The following SATL1 variants were observed in gnomAD, a reference collection of about 807,000 sequenced individuals.
The protein encoded by SATL1 is spermidine/spermine N1-acetyl transferase like 1.
In SATL1, 47 loss-of-function variants were observed where a neutral mutation model predicts 51.8. That is an observed-to-expected ratio of 0.91 (90% CI 0.72 to 1.16). The LOEUF is 1.16. Ranked by LOEUF, SATL1 falls within the 50% of genes most tolerant of loss-of-function variation. SATL1 has a pLI of 0.00. For missense variants in SATL1, 520 were observed against 526.4 expected, an observed-to-expected ratio of 0.99 and a Z score of 0.12; for synonymous variants, 176 against 182.4, an observed-to-expected ratio of 0.97 and a Z score of 0.28.
intron 2 of SATL1, among the ~76,000 whole-genome samples, chrX:85,113,753 T>G (rs1363868586): frequency 8.9e-6 from 1 of 112,239 alleles, no homozygotes; most frequent in Non-Finnish European, 1.9e-5. Flanking sequence ...CCTTTTAAAA[T>G]TGGCTTTGAT....
chrX:85,112,693 C>T (rs367570952), intron 2 of SATL1, among the ~76,000 whole-genome samples: 1 of 111,634 alleles, frequency 9.0e-6, no homozygotes, highest in African/African-American at 3.3e-5. Flanking sequence ...CCTTTTAATG[C>T]GCATGCTTGA....
At chrX:85,100,177 G>T (rs972003574) in intron 4 of SATL1, among the ~76,000 whole-genome samples, 1 of 110,502 alleles carries the variant, frequency 9.0e-6, no homozygotes, top group Non-Finnish European at 1.9e-5. Flanking sequence ...ATGCACAACA[G>T]AGCAAGACTC....
intron 2 of SATL1, among the ~76,000 whole-genome samples, chrX:85,165,771 A>G (rs942167656): frequency 1.8e-5 from 2 of 111,711 alleles, no homozygotes; most frequent in Admixed American, 9.5e-5. Context: ...CCATTGAAAA[A>G]ATAATTCTAA....
chrX:85,196,820 T>C (rs771339527), intron 2 of SATL1, among the ~76,000 whole-genome samples: 1 of 111,729 alleles, frequency 9.0e-6, no homozygotes, highest in African/African-American at 3.2e-5. Flanking sequence ...GGACATCTAC[T>C]TCACACAACA....
intron 1 of SATL1, among the ~76,000 whole-genome samples, chrX:85,239,066 T>G (rs1602933447): frequency 9.0e-6 from 1 of 110,556 alleles, no homozygotes; most frequent in East Asian, 2.8e-4. Flanking sequence ...CAACTAAATA[T>G]TTGTTGAAAG....
rs774201412 is a variant in SATL1 at position 85,177,789 on chromosome X, C to G, written c.-313+46416G>C. 6.3e-5 allele frequency among the ~76,000 whole-genome samples: 7 copies of G among 111,587 alleles called. No homozygotes were observed. The East Asian group carries it at 2.0e-3, about 32-fold the overall frequency. Reference sequence around the variant, plus strand: ...ACAGTTCCAAAAGGCAGAACCAAAACTAATGGTGGAGATTACAGGGTGGGG... The same window carrying G: ...ACAGTTCCAAAAGGCAGAACCAAAAGTAATGGTGGAGATTACAGGGTGGGG... On this transcript the variant is annotated intron_variant, in intron 2 of 7. Transcript: ENST00000644105.
intron 2 of SATL1, among the ~76,000 whole-genome samples, chrX:85,129,115 C>G (rs1244266804): frequency 6.3e-5 from 7 of 111,562 alleles, no homozygotes; most frequent in Non-Finnish European, 1.9e-5. Context: ...GCTTAGGATT[C>G]TCTTGGCAAT....
At chrX:85,124,367 T>C (rs1300181850) in intron 2 of SATL1, among the ~76,000 whole-genome samples, 1 of 112,026 alleles carries the variant, frequency 8.9e-6, no homozygotes, top group East Asian at 2.8e-4. Context: ...AATAATTCTG[T>C]GACATTAGAA....
At chrX:85,223,641 G>A (rs989475768) in intron 2 of SATL1, among the ~76,000 whole-genome samples, 7 of 110,939 alleles carry the variant, frequency 6.3e-5, no homozygotes, top group African/African-American at 2.3e-4. Context: ...CAGGCTTGCT[G>A]ACTGGGAACA....
chrX:85,215,697 T>C (rs1304595615), intron 2 of SATL1, among the ~76,000 whole-genome samples: 3 of 112,382 alleles, frequency 2.7e-5, no homozygotes, highest in Non-Finnish European at 5.6e-5. Flanking sequence ...ACAATGACCT[T>C]TCTCCAGTTA....
chrX:85,227,676 G>A (rs181469926), intron 1 of SATL1, among the ~76,000 whole-genome samples: 24 of 105,853 alleles, frequency 2.3e-4, no homozygotes, highest in East Asian at 1.8e-3. Context: ...CAAATGGTTC[G>A]GTTTTATCAA....
At chrX:85,097,902 G>A (rs1288861696) in intron 4 of SATL1, among the ~76,000 whole-genome samples, 2 of 111,577 alleles carry the variant, frequency 1.8e-5, no homozygotes, top group African/African-American at 6.5e-5. Context: ...AGGACTAATG[G>A]AGGAAAGTAG....
chrX:85,229,049 T>C (rs182713493), intron 1 of SATL1, among the ~76,000 whole-genome samples: 5 of 111,796 alleles, frequency 4.5e-5, no homozygotes, highest in Admixed American at 1.9e-4. Context: ...TTTGGAGTCA[T>C]CTTTGACTTT....
chrX:85,219,824 G>T (rs1401035865), intron 2 of SATL1: 2 of 108,917 alleles, frequency 1.8e-5, no homozygotes, highest in Non-Finnish European at 3.8e-5. Flanking sequence ...AGGGTACTCA[G>T]AGTGGAGCAA....
rs1324962730 is a variant in SATL1 at position 85,107,908 on chromosome X, C to T, written c.1061G>A (p.Arg354Gln). The change falls in exon 3 of 8, where the codon CGA becomes CAA. Residue 354 changes from arginine to glutamine, a missense_variant. By Grantham distance (43) the Arg-to-Gln change is conservative. Around this residue, in one of 3 missense-constraint regions of SATL1, gnomAD observed 488 missense variants for 474.3 expected, o/e 1.03. Coordinates refer to ENST00000644105, the MANE Select transcript of SATL1 (RefSeq NM_001367857.2). Reference protein sequence around the residue: ...ASISQPGPPQRAPSQSGPRQS... With the variant: ...ASISQPGPPQQAPSQSGPRQS... ...TCTGGGGCCTGATTGGCTTGGGGCT[C>T]GTTGCGGTGGACCTGGTTGGCTTAT... The T allele has an allele frequency of 7.4e-6, 9 of 1,208,895 alleles. No homozygotes were observed. Among genetic ancestry groups the T allele is most frequent in the Non-Finnish European group, 1.0e-5 (9 of 894,746 alleles).
rs1924628094 is a variant in SATL1 at position 85,094,360 on chromosome X, T to C, written c.1775-131A>G. 1.1e-5 allele frequency: 5 copies of C among 444,009 alleles called. No homozygotes were observed. The South Asian group carries it at 1.5e-4, about 14-fold the overall frequency. 36.6% of individuals were successfully genotyped at this position (444,009 alleles called of 1,213,427 possible). On this transcript the variant is annotated intron_variant, in intron 5 of 7. Coordinates refer to ENST00000644105, the MANE Select transcript of SATL1 (RefSeq NM_001367857.2). ...AATGCTCACTGGAAAAAAATAACAA[T>C]ACAAAAACATATAGTGTAGAGGACT...
chrX:85,181,187 G>T (rs1427402896), intron 2 of SATL1, among the ~76,000 whole-genome samples: 1 of 87,693 alleles, frequency 1.1e-5, no homozygotes, highest in Non-Finnish European at 2.1e-5. Flanking sequence ...ATGTGTGTGT[G>T]TATATATATA....
At chrX:85,232,758 C>G (rs757824514) in intron 1 of SATL1, among the ~76,000 whole-genome samples, 68 of 111,500 alleles carry the variant, frequency 6.1e-4, no homozygotes, top group African/African-American at 2.2e-3. Flanking sequence ...TGGCTTGGGT[C>G]CCAGCTCAGC....
At chrX:85,176,727 G>C (rs5923283) in intron 2 of SATL1, among the ~76,000 whole-genome samples, 2 of 110,992 alleles carry the variant, frequency 1.8e-5, no homozygotes, top group African/African-American at 6.5e-5. Flanking sequence ...TTGCTGTTTA[G>C]GGGGTCAGAG....
Sources: allele counts gnomAD v4.1 joint callset (sites outside exome capture counted in the v4.1 genomes callset), GRCh38; gene constraint gnomAD v4.1.1; regional missense constraint gnomAD v4.1.1; transcripts MANE v1.5; gene names NCBI Gene and HGNC (gene_info 2026-07-23, HGNC 2026-07-21).